AMPH: variants seen among roughly 807,000 people sequenced by gnomAD.
AMPH encodes the protein amphiphysin (Stiff-Mann syndrome with breast cancer 128kD autoantigen).
In AMPH, 49 loss-of-function variants were observed where a neutral mutation model predicts 99.1. That is an observed-to-expected ratio of 0.49 (90% CI 0.39 to 0.63). The LOEUF is 0.63. AMPH is among the 20% of genes least tolerant of loss of function. AMPH has a pLI of 0.00. For missense variants in AMPH, 759 were observed against 863.4 expected, an observed-to-expected ratio of 0.88 and a Z score of 1.52; for synonymous variants, 314 against 317.3, an observed-to-expected ratio of 0.99 and a Z score of 0.11.
intron 5 of AMPH, among the ~76,000 whole-genome samples, chr7:38,480,389 C>T (rs912569551): frequency 2.6e-5 from 4 of 152,020 alleles, no homozygotes; most frequent in Non-Finnish European, 4.4e-5. Context: ...ATTTGCACCA[C>T]GGGTTCTTTG....
rs1788846590 is a variant in AMPH at position 38,494,422 on chromosome 7, C to T, written c.300+11G>A. On this transcript the variant is annotated intron_variant, in intron 4 of 20. Coordinates refer to ENST00000356264, the MANE Select transcript of AMPH (RefSeq NM_001635.4). ...TCGTGGGAGCCTCATGGAAGCCACC[C>T]CAGCTCTTACCTCACCAACCATTTT... The T allele has an allele frequency of 1.9e-6, 3 of 1,613,128 alleles. No homozygotes were observed. The highest frequency in any genetic ancestry group is 2.2e-5 in the South Asian group (2 of 91,048).
intron 5 of AMPH, among the ~76,000 whole-genome samples, chr7:38,484,921 G>C (rs916584822): frequency 1.7e-4 from 26 of 151,794 alleles, no homozygotes; most frequent in African/African-American, 6.0e-4. Context: ...AAAATAGACT[G>C]TTATAAAATA....
At chr7:38,577,338 T>C (rs1178043974) in intron 1 of AMPH, among the ~76,000 whole-genome samples, 1 of 152,184 alleles carries the variant, frequency 6.6e-6, no homozygotes, top group Non-Finnish European at 1.5e-5. Flanking sequence ...GCCCCCGCCC[T>C]GTCAGTTACA....
chr7:38,607,192 ACATT>A (rs1245827719), intron 1 of AMPH, among the ~76,000 whole-genome samples: 1 of 152,204 alleles, frequency 6.6e-6, no homozygotes, highest in Non-Finnish European at 1.5e-5. Context: ...TAGAAATGAC[ACATT>A]CAGAGAAATG....
intron 2 of AMPH, among the ~76,000 whole-genome samples, chr7:38,525,634 C>T (rs1194058965): frequency 6.6e-6 from 1 of 152,066 alleles, no homozygotes; most frequent in Non-Finnish European, 1.5e-5. Flanking sequence ...TGGCAACCAC[C>T]AAACTTTACT....
At chr7:38,569,608 T>C (rs1791871732) in intron 1 of AMPH, among the ~76,000 whole-genome samples, 1 of 151,858 alleles carries the variant, frequency 6.6e-6, no homozygotes, top group African/African-American at 2.4e-5. Flanking sequence ...ATATAACATA[T>C]ATATATATAA....
At chr7:38,617,315 C>G (rs1415623685) in intron 1 of AMPH, among the ~76,000 whole-genome samples, 6 of 152,186 alleles carry the variant, frequency 3.9e-5, no homozygotes, top group Admixed American at 3.9e-4. Flanking sequence ...TGGGCCACCT[C>G]TAAACAGAGA....
chr7:38,630,391 T>G (rs1562871733), intron 1 of AMPH, among the ~76,000 whole-genome samples: 1 of 152,102 alleles, frequency 6.6e-6, no homozygotes. Context: ...TCCACCTGCT[T>G]TGGGCTGTGC....
intron 15 of AMPH, among the ~76,000 whole-genome samples, chr7:38,423,803 A>G (rs1785682901): frequency 6.6e-6 from 1 of 152,318 alleles, no homozygotes; most frequent in East Asian, 1.9e-4. Flanking sequence ...GTAAAAGTCT[A>G]TTACAAAGTC....
chr7:38,574,156 T>C (rs1463177881), intron 1 of AMPH, among the ~76,000 whole-genome samples: 1 of 152,250 alleles, frequency 6.6e-6, no homozygotes, highest in Non-Finnish European at 1.5e-5. Flanking sequence ...TGAATCATCT[T>C]GATTTCCCAC....
intron 2 of AMPH, among the ~76,000 whole-genome samples, chr7:38,519,443 G>T (rs932974146): frequency 1.3e-5 from 2 of 150,602 alleles, no homozygotes; most frequent in Non-Finnish European, 3.0e-5. Context: ...ATATATTAAG[G>T]CTCTCTGGTA....
Position 38,417,836 on chromosome 7 carries a change from C to G in AMPH, c.1387G>C (p.Glu463Gln). 6.2e-7 allele frequency: 1 copy of G among 1,613,962 alleles called. No individual in the cohort carries two copies. The highest frequency in any genetic ancestry group is 2.2e-5 in the East Asian group (1 of 44,874). The change falls in exon 17 of 21, where the codon GAG becomes CAG. Residue 463 changes from glutamate to glutamine, a missense_variant. Coordinates refer to ENST00000356264, the MANE Select transcript of AMPH (RefSeq NM_001635.4). The part of the protein sequence containing the change: ...GMDTRAEEPV[E>Q]EAVIIPGADA... ...GAGGTGGTGCTCACCACTGCCTCCT[C>G]CACTGGCTCCTCAGCCCGAGTGTCC...
chr7:38,626,388 C>T (rs1452809150), intron 1 of AMPH, among the ~76,000 whole-genome samples: 5 of 152,122 alleles, frequency 3.3e-5, no homozygotes, highest in African/African-American at 1.2e-4. Context: ...AGAAATAACA[C>T]CACACATCTA....
chr7:38,399,158 A>G (rs1784773579), intron 17 of AMPH, among the ~76,000 whole-genome samples: 1 of 152,252 alleles, frequency 6.6e-6, no homozygotes, highest in South Asian at 2.1e-4. Flanking sequence ...ATCTACTTGG[A>G]AAACAAACAA....
At chr7:38,613,113 C>G (rs1440826764) in intron 1 of AMPH, among the ~76,000 whole-genome samples, 1 of 152,126 alleles carries the variant, frequency 6.6e-6, no homozygotes, top group Admixed American at 6.6e-5. Context: ...GAGACTTGAC[C>G]AAGACCATAC....
chr7:38,396,062 A>G (rs899805228), intron 17 of AMPH, among the ~76,000 whole-genome samples: 3 of 152,198 alleles, frequency 2.0e-5, no homozygotes, highest in Admixed American at 2.0e-4. Context: ...TCCCTCTCTT[A>G]TGAGAATCTC....
chr7:38,391,975 G>A lies in AMPH; in HGVS notation c.1651C>T (p.His551Tyr). 6.2e-7 allele frequency: 1 copy of A among 1,609,864 alleles called. No individual in the cohort carries two copies. The highest frequency in any genetic ancestry group is 8.5e-7 in the Non-Finnish European group (1 of 1,180,004). The change falls in exon 19 of 21, where the codon CAT becomes TAT. Residue 551 changes from histidine to tyrosine, a missense_variant. Transcript: ENST00000356264. ...PSVVIEPASN[H>Y]EEEGENEITI... Reference sequence around the variant, plus strand: ...ATTTCGTTTTCTCCTTCCTCTTCATGGTTGGAGGCAGGCTCTATGACCACC... The same window carrying A: ...ATTTCGTTTTCTCCTTCCTCTTCATAGTTGGAGGCAGGCTCTATGACCACC...
intron 3 of AMPH, among the ~76,000 whole-genome samples, chr7:38,497,711 A>G (rs181371740): frequency 1.5e-4 from 23 of 152,332 alleles, no homozygotes; most frequent in Non-Finnish European, 2.9e-4. Flanking sequence ...CATTGCTTAG[A>G]CGAGAGCTGT....
At chr7:38,604,350 G>A (rs1793357146) in intron 1 of AMPH, among the ~76,000 whole-genome samples, 2 of 152,218 alleles carry the variant, frequency 1.3e-5, no homozygotes, top group South Asian at 2.1e-4. Context: ...AAAGGACAAG[G>A]TGATAAACCC....
Sources: allele counts gnomAD v4.1 joint callset (sites outside exome capture counted in the v4.1 genomes callset), GRCh38; gene constraint gnomAD v4.1.1; transcripts MANE v1.5; gene names NCBI Gene and HGNC (gene_info 2026-07-23, HGNC 2026-07-21).